THSD4: variants seen among roughly 807,000 people sequenced by gnomAD.
THSD4 encodes thrombospondin type-1 domain-containing protein 4.
THSD4 carries 69 observed loss-of-function variants against 119.0 expected under a neutral mutation model. The ratio of observed to expected loss-of-function variants is 0.58; its 90% CI spans 0.48 to 0.71. The LOEUF is 0.71. Among genes scored for constraint, THSD4 ranks in the 30% least tolerant of loss-of-function variants. The pLI, the probability that THSD4 is intolerant of heterozygous loss-of-function variation, is 0.00. For missense variants in THSD4, 1,393 were observed against 1,391.1 expected, an observed-to-expected ratio of 1.00 and a Z score of -0.02; for synonymous variants, 524 against 540.4, an observed-to-expected ratio of 0.97 and a Z score of 0.42.
At chr15:71,402,752 C>T (rs755833071) in intron 6 of THSD4, among the ~76,000 whole-genome samples, 3 of 152,172 alleles carry the variant, frequency 2.0e-5, no homozygotes, top group Non-Finnish European at 4.4e-5. Context: ...GAGCCAGCTC[C>T]TAACTGCTGG....
chr15:71,602,011 C>T (rs1567057269), intron 7 of THSD4, among the ~76,000 whole-genome samples: 1 of 152,064 alleles, frequency 6.6e-6, no homozygotes, highest in Non-Finnish European at 1.5e-5. Context: ...GAAGACTTCA[C>T]ATGATGTAGG....
At chr15:71,119,216 T>C (rs1407567616) in intron 1 of THSD4, among the ~76,000 whole-genome samples, 1 of 152,222 alleles carries the variant, frequency 6.6e-6, no homozygotes, top group East Asian at 1.9e-4. Flanking sequence ...CTAAATCTGG[T>C]GTTCTTTCCA....
At chr15:71,584,727 T>C (rs1450246402) in intron 7 of THSD4, among the ~76,000 whole-genome samples, 1 of 152,228 alleles carries the variant, frequency 6.6e-6, no homozygotes, top group African/African-American at 2.4e-5. Context: ...TATTGATAGT[T>C]AAGAACTTAC....
intron 3 of THSD4, among the ~76,000 whole-genome samples, chr15:71,197,389 C>T (rs571748278): frequency 6.6e-6 from 1 of 152,342 alleles, no homozygotes; most frequent in Non-Finnish European, 1.5e-5. Context: ...GTCCATCACC[C>T]TTGATTTCTG....
chr15:71,296,285 G>T, intron 6 of THSD4, among the ~76,000 whole-genome samples: 1 of 152,126 alleles, frequency 6.6e-6, no homozygotes, highest in Non-Finnish European at 1.5e-5. Context: ...AATAGATAAG[G>T]GTTACCCTCT....
chr15:71,477,813 T>C (rs989983384), intron 7 of THSD4, among the ~76,000 whole-genome samples: 8 of 152,198 alleles, frequency 5.3e-5, no homozygotes, highest in African/African-American at 1.4e-4. Context: ...CTGCTTCTCC[T>C]TCTGTGATTC....
intron 14 of THSD4, among the ~76,000 whole-genome samples, chr15:71,757,338 A>G (rs1394095073): frequency 6.6e-6 from 1 of 151,792 alleles, no homozygotes; most frequent in Non-Finnish European, 1.5e-5. Context: ...AAGTCCCCCT[A>G]TTTTTCCAAC....
rs2053348387 is a variant in THSD4, at chr15:71,746,865, C to T, written c.2064C>T (p.Cys688=). The T allele has an allele frequency of 6.2e-7, 1 of 1,613,972 alleles. No individual in the cohort carries two copies. Among genetic ancestry groups the T allele is most frequent in the Non-Finnish European group, 8.5e-7 (1 of 1,180,058 alleles). The change falls in exon 13 of 18, where the codon TGC becomes TGT. Residue 688 remains cysteine (C), a synonymous_variant. Transcript: ENST00000261862. ...AFWDIGEWSE[C]SKTCGLGMQH... Reference sequence around the variant, plus strand: ...GGGACATCGGGGAGTGGTCTGAGTGCAGCAAGACCTGTGGCCTGGGCATGC... The same window carrying T: ...GGGACATCGGGGAGTGGTCTGAGTGTAGCAAGACCTGTGGCCTGGGCATGC...
At chr15:71,701,605 A>G (rs552037318) in intron 8 of THSD4, among the ~76,000 whole-genome samples, 1 of 152,222 alleles carries the variant, frequency 6.6e-6, no homozygotes, top group Non-Finnish European at 1.5e-5. Flanking sequence ...CTCTTTAGCC[A>G]TTAAAAATAA....
intron 7 of THSD4, among the ~76,000 whole-genome samples, chr15:71,555,416 A>C (rs1378129225): frequency 2.0e-5 from 3 of 152,210 alleles, no homozygotes; most frequent in Non-Finnish European, 4.4e-5. Context: ...ATATTGTATA[A>C]TGTTTATGTG....
At chr15:71,673,825 C>T (rs887466114) in intron 8 of THSD4, among the ~76,000 whole-genome samples, 6 of 152,232 alleles carry the variant, frequency 3.9e-5, no homozygotes, top group East Asian at 1.9e-4. Context: ...GGCAAGATCT[C>T]GGCTCACTGC....
At chr15:71,461,792 G>GTT (rs61134274) in intron 7 of THSD4, among the ~76,000 whole-genome samples, 57 of 144,392 alleles carry the variant, frequency 3.9e-4, no homozygotes, top group African/African-American at 8.4e-4. Context: ...GCACTGTCAG[G>GTT]TTTTTTTTTT....
chr15:71,183,310 C>T (rs1349463971), intron 3 of THSD4: 1 of 151,732 alleles, frequency 6.6e-6, no homozygotes, highest in East Asian at 1.9e-4. Context: ...CCCACTGAGT[C>T]CCTCCCACGA....
intron 6 of THSD4, among the ~76,000 whole-genome samples, chr15:71,263,887 C>T (rs371506210): frequency 2.0e-5 from 3 of 152,222 alleles, no homozygotes; most frequent in Non-Finnish European, 2.9e-5. Flanking sequence ...CAGTGAAATT[C>T]CCTGAATGCC....
At chr15:71,648,594 C>G (rs984633857) in intron 7 of THSD4, among the ~76,000 whole-genome samples, 1 of 152,180 alleles carries the variant, frequency 6.6e-6, no homozygotes, top group Non-Finnish European at 1.5e-5. Flanking sequence ...CCTTGATCAC[C>G]ATTGTCCCAG....
chr15:71,202,879 G>A (rs1030252158), intron 3 of THSD4, among the ~76,000 whole-genome samples: 2 of 152,314 alleles, frequency 1.3e-5, no homozygotes, highest in South Asian at 2.1e-4. Flanking sequence ...ACCTTCAGCA[G>A]ATTGCATCAG....
intron 7 of THSD4, among the ~76,000 whole-genome samples, chr15:71,588,441 G>A (rs1567050173): frequency 6.8e-6 from 1 of 147,598 alleles, no homozygotes; most frequent in East Asian, 2.0e-4. Flanking sequence ...TTATTTTTCT[G>A]AGACAGGGTC....
At chr15:71,165,557 A>G (rs1244087828) in intron 3 of THSD4, 7 of 676,826 alleles carry the variant, frequency 1.0e-5, no homozygotes, top group Non-Finnish European at 1.8e-5. Context: ...TTTCATAGCA[A>G]GAGCCTTTTT....
intron 7 of THSD4, among the ~76,000 whole-genome samples, chr15:71,501,888 T>C (rs1406215211): frequency 1.3e-5 from 2 of 152,202 alleles, no homozygotes; most frequent in Admixed American, 6.5e-5. Context: ...CTCTGCCTCC[T>C]CTATTTAGTG....
Sources: allele counts gnomAD v4.1 joint callset (sites outside exome capture counted in the v4.1 genomes callset), GRCh38; gene constraint gnomAD v4.1.1; transcripts MANE v1.5; gene names NCBI Gene and HGNC (gene_info 2026-07-23, HGNC 2026-07-21).